APBB2: variants seen among roughly 807,000 people sequenced by gnomAD.
APBB2 encodes Fe65-like 1.
Under a neutral mutation model 82.5 loss-of-function variants are expected in APBB2, and 38 were observed. The ratio of observed to expected loss-of-function variants is 0.46; its 90% CI spans 0.36 to 0.60. The LOEUF (loss-of-function observed/expected upper bound fraction) is 0.60. Ranked by LOEUF, APBB2 falls within the 20% of genes least tolerant of loss-of-function variation. The probability of loss-of-function intolerance (pLI) is 0.00; values close to 1 mark genes in which losing one functional copy is unlikely to be tolerated. For missense variants in APBB2, 772 were observed against 972.3 expected (o/e 0.79, Z 2.74); for synonymous variants, 341 against 368.2 (o/e 0.93, Z 0.85).
At chr4:41,062,323 C>T (rs1730160389) in intron 4 of APBB2, among the ~76,000 whole-genome samples, 1 of 147,728 alleles carries the variant, frequency 6.8e-6, no homozygotes, top group African/African-American at 2.5e-5. Flanking sequence ...CAGGCGCCCT[C>T]AAACACACCC....
chr4:40,949,459 C>A (rs867633654), intron 6 of APBB2, among the ~76,000 whole-genome samples: 1 of 152,056 alleles, frequency 6.6e-6, no homozygotes, highest in African/African-American at 2.4e-5. Flanking sequence ...AAAACCATAG[C>A]TAAGCCAAGA....
intron 2 of APBB2, among the ~76,000 whole-genome samples, chr4:41,136,033 C>T (rs746829271): frequency 9.2e-5 from 14 of 152,166 alleles, no homozygotes; most frequent in South Asian, 4.1e-4. Flanking sequence ...TCTGATTTTG[C>T]TTCATCTGCA....
At chr4:40,866,976 G>A (rs775540482) in intron 12 of APBB2, among the ~76,000 whole-genome samples, 69 of 152,108 alleles carry the variant, frequency 4.5e-4, no homozygotes, top group Non-Finnish European at 7.8e-4. Context: ...GGCTGGTCTC[G>A]AACTCCTGAC....
At chr4:40,991,657 A>C (rs914547617) in intron 6 of APBB2, among the ~76,000 whole-genome samples, 1 of 151,938 alleles carries the variant, frequency 6.6e-6, no homozygotes, top group Non-Finnish European at 1.5e-5. Flanking sequence ...AAGAAAGAAA[A>C]ACACACACAC....
chr4:40,954,878 T>G (rs1009565538), intron 6 of APBB2, among the ~76,000 whole-genome samples: 13 of 152,178 alleles, frequency 8.5e-5, no homozygotes, highest in African/African-American at 3.1e-4. Flanking sequence ...TTGGCCAGGC[T>G]GGCCTTGGGT....
At chr4:40,996,439 C>G (rs1190160588) in intron 6 of APBB2, among the ~76,000 whole-genome samples, 3 of 152,182 alleles carry the variant, frequency 2.0e-5, no homozygotes, top group African/African-American at 7.2e-5. Flanking sequence ...ATACACGAGT[C>G]CCAGACAGGG....
chr4:40,968,643 C>T (rs997162403), intron 6 of APBB2, among the ~76,000 whole-genome samples: 9 of 152,172 alleles, frequency 5.9e-5, no homozygotes, highest in African/African-American at 2.2e-4. Flanking sequence ...ACTGGTCTCA[C>T]AACATGCCTT....
chr4:41,037,616 C>T (rs1357127768), intron 4 of APBB2, among the ~76,000 whole-genome samples: 1 of 152,156 alleles, frequency 6.6e-6, no homozygotes, highest in Non-Finnish European at 1.5e-5. Context: ...AATTCAAGGT[C>T]TAGTACCACA....
chr4:41,000,024 A>AC (rs956254848), intron 6 of APBB2, among the ~76,000 whole-genome samples: 2 of 150,490 alleles, frequency 1.3e-5, no homozygotes, highest in African/African-American at 2.4e-5. Context: ...ACAAAAAAAA[A>AC]ACAAACGTGT....
intron 17 of APBB2, among the ~76,000 whole-genome samples, chr4:40,820,661 A>G (rs1747544063): frequency 6.6e-6 from 1 of 151,804 alleles, no homozygotes; most frequent in African/African-American, 2.4e-5. Flanking sequence ...GCAAAACTTC[A>G]TCTCAATAAA....
intron 4 of APBB2, among the ~76,000 whole-genome samples, chr4:41,040,366 C>G (rs1215068363): frequency 6.6e-6 from 1 of 152,182 alleles, no homozygotes; most frequent in Non-Finnish European, 1.5e-5. Context: ...GTACTTCTAT[C>G]AGATGACTCG....
intron 11 of APBB2, 155 bp downstream of exon 11, chr4:40,893,110 G>A (rs1340012547): frequency 8.5e-6 from 7 of 821,562 alleles, no homozygotes; most frequent in South Asian, 2.0e-5. Context: ...TCAGTCACAC[G>A]GGGGTACCAT....
intron 6 of APBB2, among the ~76,000 whole-genome samples, chr4:40,978,770 A>AACT (rs1797787781): frequency 6.6e-6 from 1 of 152,190 alleles, no homozygotes; most frequent in South Asian, 2.1e-4. Context: ...TAAACAAGCA[A>AACT]AAGCTCATTT....
intron 2 of APBB2, among the ~76,000 whole-genome samples, chr4:41,129,459 TCTAGA>T (rs1250789957): frequency 2.0e-5 from 3 of 152,160 alleles, no homozygotes; most frequent in African/African-American, 4.8e-5. Context: ...AAATCAACAG[TCTAGA>T]CTTGGCTGAA....
chr4:40,881,071 A>C, intron 12 of APBB2: 3 of 985,450 alleles, frequency 3.0e-6, no homozygotes, highest in Middle Eastern at 5.2e-4. Context: ...TCCCATCATG[A>C]TTAATGGAAG....
rs865856030 is a variant in APBB2, at chr4:41,101,292, G to A, written c.-260-542C>T. 8.0e-5 allele frequency among the ~76,000 whole-genome samples: 12 copies of A among 149,168 alleles called. No homozygotes were observed. The South Asian group carries it at 1.1e-3, about 14-fold the overall frequency. On this transcript the variant is annotated intron_variant, in intron 2 of 17. Coordinates refer to ENST00000508593, the MANE Select transcript of APBB2 (RefSeq NM_004307.2). ...ATCCTGGCTAACAAGGTGAAACCCC[G>A]TCTCTACTAAAAATACAAAAAATTA... is the stretch of plus-strand genomic sequence containing the variant.
At chr4:41,115,334 A>G (rs1404410631) in intron 2 of APBB2, among the ~76,000 whole-genome samples, 1 of 152,260 alleles carries the variant, frequency 6.6e-6, no homozygotes, top group Non-Finnish European at 1.5e-5. Context: ...ATGATGGATT[A>G]AATACTTAAA....
In APBB2 at chr4:40,886,436, C is replaced by T. The variant is rs561549107; in HGVS notation, c.1529+3928G>A. 6.2e-4 allele frequency among the ~76,000 whole-genome samples: 95 copies of T among 152,022 alleles called. 1 individual carries two copies. In the South Asian group the frequency reaches 0.018, roughly 29 times the overall value. ...CAAAGGTTGCAGTGAATTGAGATTGCACCATTGCACTCCAGCCTGGGGAAC... is the reference window on the plus strand; with the variant it reads ...CAAAGGTTGCAGTGAATTGAGATTGTACCATTGCACTCCAGCCTGGGGAAC... On this transcript the variant is annotated intron_variant, in intron 12 of 17. Coordinates refer to ENST00000508593, the MANE Select transcript of APBB2 (RefSeq NM_004307.2).
At chr4:41,029,881 G>A (rs1405529003) in intron 5 of APBB2, among the ~76,000 whole-genome samples, 2 of 152,158 alleles carry the variant, frequency 1.3e-5, no homozygotes, top group Admixed American at 6.5e-5. Context: ...AGCTGGCTGG[G>A]CGCGGTGGTT....
Sources: gnomAD v4.1 joint callset for allele counts (sites outside exome capture counted in the v4.1 genomes callset) on GRCh38, gnomAD v4.1.1 for gene constraint, MANE v1.5 for transcripts, NCBI Gene and HGNC (gene_info 2026-07-23, HGNC 2026-07-21) for gene names.